Variants in DHDDS observed in about 807,000 individuals in gnomAD.
DHDDS encodes the protein dehydrodolichyl diphosphate synthase complex subunit DHDDS.
A neutral mutation model predicts 46.2 loss-of-function variants in DHDDS; 16 were observed. The ratio of observed to expected loss-of-function variants is 0.35; its 90% CI spans 0.23 to 0.53. The LOEUF is 0.53. DHDDS is among the 20% of genes least tolerant of loss of function. DHDDS has a pLI of 0.94. For synonymous variants in DHDDS, 151 were observed against 163.1 expected (o/e 0.93, Z 0.56); for missense variants, 340 against 423.7 (o/e 0.80, Z 1.73).
At chr1:26,467,307 C>T (rs1240917913) in intron 8 of DHDDS, 1 of 471,386 alleles carries the variant, frequency 2.1e-6, no homozygotes, top group Non-Finnish European at 4.4e-6. Flanking sequence ...CAGGGAGCCT[C>T]CTGACCAAGG....
intron 6 of DHDDS, among the ~76,000 whole-genome samples, chr1:26,456,474 C>A (rs1167328702): frequency 1.3e-5 from 2 of 152,154 alleles, no homozygotes; most frequent in Non-Finnish European, 2.9e-5. Context: ...CTTACTGTAA[C>A]CTCCACCTCC....
rs775005256 is a variant in DHDDS, at chr1:26,442,801, A to G, written c.251A>G (p.Lys84Arg). ...TACGCATTCAGCATTGAGAACTTCA[A>G]ACGCTCCAAGAGTGAGGTAGACGGG... Reference protein sequence around the residue: ...TVYAFSIENFKRSKSEVDGLM... With the variant: ...TVYAFSIENFRRSKSEVDGLM... Residue 84 changes from lysine (K) to arginine (R), a missense_variant, in exon 4 of 9, where the codon AAA (lysine) becomes AGA (arginine). Lys to Arg is a conservative substitution (Grantham distance 26). Around this residue, in one of 2 missense-constraint regions of DHDDS, gnomAD observed 72 missense variants for 123.5 expected, o/e 0.58. Transcript: ENST00000236342. The G allele has an allele frequency of 9.9e-6, 16 of 1,614,032 alleles. No individual in the cohort carries two copies. The highest frequency in any genetic ancestry group is 1.3e-5 in the African/African-American group (1 of 74,920).
rs1467904719 is a variant in DHDDS at position 26,460,243 on chromosome 1, AGAT to A, written c.765+106_765+108del. On this transcript the variant is annotated intron_variant, in intron 8 of 8. Transcript: ENST00000236342. ...ACTATATACCAGGCACTTCCTAATA[AGAT>A]GATGATAATGATGATAGTAGCTACC... 1.9e-5 allele frequency: 18 copies of A among 962,304 alleles called. No homozygotes were observed. The African/African-American group carries it at 2.6e-4, about 14-fold the overall frequency. 59.6% of individuals were successfully genotyped at this position (962,304 alleles called of 1,614,324 possible).
chr1:26,438,120 C>CCCTGAAGAATATGAGA (rs768017613), intron 2 of DHDDS, 48 bp from the exon 3 acceptor site: 2 of 1,590,526 alleles, frequency 1.3e-6, no homozygotes, highest in East Asian at 4.5e-5. Flanking sequence ...CTTCCTTTAT[C>CCCTGAAGAATATGAGA]CCTGAAGAAT....
chr1:26,454,809 G>A (rs982717213), intron 6 of DHDDS: 41 of 1,579,388 alleles, frequency 2.6e-5, no homozygotes, highest in Admixed American at 8.4e-5. Flanking sequence ...TAGGTCCAGC[G>A]GCACATCTTA....
chr1:26,452,307 T>G (rs2075329328), intron 6 of DHDDS, among the ~76,000 whole-genome samples: 1 of 152,202 alleles, frequency 6.6e-6, no homozygotes. Flanking sequence ...CCTCCCAAAG[T>G]GCTGGGATTA....
intron 7 of DHDDS, 24 bp from the exon 8 acceptor site, chr1:26,460,013 T>C (rs1390600922): frequency 1.3e-6 from 2 of 1,589,098 alleles, no homozygotes; most frequent in Non-Finnish European, 1.7e-6. Context: ...TACTAAATCA[T>C]ACTCTCCTCC....
chr1:26,440,703 T>G (rs903755303), intron 3 of DHDDS, among the ~76,000 whole-genome samples: 14 of 152,210 alleles, frequency 9.2e-5, no homozygotes, highest in African/African-American at 2.7e-4. Flanking sequence ...AGGTTCTCAC[T>G]GGCAATTTTC....
chr1:26,455,688 G>A (rs974871416), intron 6 of DHDDS, among the ~76,000 whole-genome samples: 4 of 152,036 alleles, frequency 2.6e-5, no homozygotes, highest in Non-Finnish European at 5.9e-5. Context: ...TGGAGGTTGC[G>A]GGAGCCAAGA....
chr1:26,442,735 T>C lies in DHDDS; in HGVS notation c.185T>C (p.Leu62Pro), dbSNP rs1452121062. 5 of 1,614,186 alleles carry C rather than the reference T, an allele frequency of 3.1e-6. No individual in the cohort carries two copies. Among genetic ancestry groups the C allele is most frequent in the Non-Finnish European group, 4.2e-6 (5 of 1,180,030 alleles). The change falls in exon 4 of 9, where the codon CTG becomes CCG. Residue 62 changes from leucine to proline, a missense_variant. Around this residue, in one of 2 missense-constraint regions of DHDDS, gnomAD observed 72 missense variants for 123.5 expected, o/e 0.58. Transcript: ENST00000236342. ...SQGFNKLAET[L>P]RWCLNLGILE... ...CCTTGCCTTCTCCCCTCTCAGACTCTGCGGTGGTGTTTGAACCTGGGCATC... is the reference window on the plus strand; with the variant it reads ...CCTTGCCTTCTCCCCTCTCAGACTCCGCGGTGGTGTTTGAACCTGGGCATC...
chr1:26,460,304 G>C lies in DHDDS; in HGVS notation c.765+160G>C, dbSNP rs1570359706. ...GAGTATCTACTACTTGTCAGGCACTGCGAACATTTTACATGCTGCAACTCA... is the reference window on the plus strand; with the variant it reads ...GAGTATCTACTACTTGTCAGGCACTCCGAACATTTTACATGCTGCAACTCA... On this transcript the variant is annotated intron_variant, in intron 8 of 8. Coordinates refer to ENST00000236342, the MANE Select transcript of DHDDS (RefSeq NM_205861.3). 3.9e-5 allele frequency among the ~76,000 whole-genome samples: 6 copies of C among 152,284 alleles called. 1 individual carries two copies. Among genetic ancestry groups the C allele is most frequent in the African/African-American group, 1.4e-4 (6 of 41,552 alleles).
intron 6 of DHDDS, among the ~76,000 whole-genome samples, chr1:26,453,034 A>G (rs376087501): frequency 1.3e-5 from 2 of 151,996 alleles, no homozygotes; most frequent in African/African-American, 2.4e-5. Context: ...CGAGGCTGCA[A>G]TGAGCTATGG....
In DHDDS at chr1:26,469,875, AT is replaced by A. The variant is rs1199082538; in HGVS notation, c.*745del. ...CTCCCAAATGAGACTGGCCCCCTCC[AT>A]GGTTCAGGGTAACAGAAGGGCCTGT... On this transcript the variant is annotated 3_prime_UTR_variant, in exon 9 of 9. Transcript: ENST00000236342. 1.3e-5 allele frequency: 2 copies of A among 156,676 alleles called. No individual in the cohort carries two copies. The highest frequency in any genetic ancestry group is 4.8e-5 in the African/African-American group (2 of 41,442). The allele number at this position is 156,676 out of a possible 1,614,324, so 9.7% of individuals were successfully genotyped here.
chr1:26,441,436 G>C (rs764790548), intron 3 of DHDDS, among the ~76,000 whole-genome samples: 1 of 151,930 alleles, frequency 6.6e-6, no homozygotes, highest in Non-Finnish European at 1.5e-5. Flanking sequence ...CCAACCTCAG[G>C]TAATCTGCCC....
intron 6 of DHDDS, among the ~76,000 whole-genome samples, chr1:26,454,278 G>C (rs1028199464): frequency 1.3e-5 from 2 of 151,972 alleles, no homozygotes; most frequent in Admixed American, 6.6e-5. Context: ...TTGAGACACA[G>C]TCTGCTGTAT....
intron 2 of DHDDS, among the ~76,000 whole-genome samples, chr1:26,436,885 A>C (rs2075163463): frequency 6.6e-6 from 1 of 152,056 alleles, no homozygotes; most frequent in South Asian, 2.1e-4. Context: ...TAACCGCGTG[A>C]CTGGGCCGGG....
intron 3 of DHDDS, chr1:26,438,720 T>G: frequency 6.0e-6 from 1 of 165,496 alleles, no homozygotes; most frequent in South Asian, 1.4e-4. Flanking sequence ...AGTGACACCA[T>G]CTCAAGAAAA....
Position 26,460,063 on chromosome 1 carries a change from A to T in DHDDS, c.684A>T (p.Gln228His), listed in dbSNP as rs766651316. 6.2e-7 allele frequency: 1 copy of T among 1,613,958 alleles called. No individual in the cohort carries two copies. Among genetic ancestry groups the T allele is most frequent in the Non-Finnish European group, 8.5e-7 (1 of 1,179,986 alleles). Residue 228 changes from glutamine (Q) to histidine (H), a missense_variant, in exon 8 of 9, where the codon CAA (glutamine) becomes CAT (histidine). This residue lies in a region of DHDDS where 268 missense variants were observed against 300.3 expected (regional missense o/e 0.89). Transcript: ENST00000236342. Reference protein sequence around the residue: ...WQTSHSCLVFQPVLWPEYTFW... With the variant: ...WQTSHSCLVFHPVLWPEYTFW... Reference sequence around the variant, plus strand: ...CCTCTCACTCCTGCCTGGTGTTCCAACCCGTTCTGTGGCCAGAGTATACAT... The same window carrying T: ...CCTCTCACTCCTGCCTGGTGTTCCATCCCGTTCTGTGGCCAGAGTATACAT...
chr1:26,447,556 C>T lies in DHDDS; in HGVS notation c.441-3C>T, dbSNP rs2075280976. On this transcript the variant is annotated splice_region_variant and splice_polypyrimidine_tract_variant and intron_variant, in intron 5 of 8. Transcript: ENST00000236342. Reference sequence around the variant, plus strand: ...GTAAATTATTCTCTTCTTCCCTCCTCAGGTGTTTCCTGAATGTCTGTTTTG... The same window carrying T: ...GTAAATTATTCTCTTCTTCCCTCCTTAGGTGTTTCCTGAATGTCTGTTTTG... 1.2e-6 allele frequency: 2 copies of T among 1,612,274 alleles called. No homozygotes were observed. Among genetic ancestry groups the T allele is most frequent in the East Asian group, 4.5e-5 (2 of 44,874 alleles).
Sources: allele counts gnomAD v4.1 joint callset (sites outside exome capture counted in the v4.1 genomes callset), GRCh38; gene constraint gnomAD v4.1.1; regional missense constraint gnomAD v4.1.1; transcripts MANE v1.5; gene names NCBI Gene and HGNC (gene_info 2026-07-23, HGNC 2026-07-21).